WWC2: variants seen among roughly 807,000 people sequenced by gnomAD.
WWC2 encodes protein WWC2.
In WWC2, 101 loss-of-function variants were observed where a neutral mutation model predicts 138.5. That is an observed-to-expected ratio of 0.73 (90% CI 0.62 to 0.86). The LOEUF (loss-of-function observed/expected upper bound fraction) is 0.86, where lower values mean the gene tolerates loss of function less well. Ranked by LOEUF, WWC2 falls within the 40% of genes least tolerant of loss-of-function variation. The pLI, the probability that WWC2 is intolerant of heterozygous loss-of-function variation, is 0.00. For missense variants in WWC2, 1,420 were observed against 1,419.4 expected, an observed-to-expected ratio of 1.00 and a Z score of -0.01; for synonymous variants, 558 against 538.4, an observed-to-expected ratio of 1.04 and a Z score of -0.50.
At chr4:183,262,848 C>G (rs537120415) in intron 11 of WWC2, among the ~76,000 whole-genome samples, 2 of 152,264 alleles carry the variant, frequency 1.3e-5, no homozygotes, top group African/African-American at 4.8e-5. Context: ...CAAGCCTCCA[C>G]TCACATTTTA....
At chr4:183,104,022 C>T (rs1356596263) in intron 1 of WWC2, among the ~76,000 whole-genome samples, 3 of 151,320 alleles carry the variant, frequency 2.0e-5, no homozygotes, top group African/African-American at 4.9e-5. Context: ...TGCAATGGCG[C>T]GATGTTGGCT....
chr4:183,237,623 A>G (rs73870381), intron 4 of WWC2, among the ~76,000 whole-genome samples: 5,313 of 152,206 alleles, frequency 0.035, 322 homozygotes, highest in African/African-American at 0.12. Flanking sequence ...GTATTTATAA[A>G]CTGGGCCTTG....
rs142610667 is a variant in WWC2, at chr4:183,181,150, T to C, written c.132-12449T>C. Among the ~76,000 whole-genome samples the C allele has an allele frequency of 3.0e-3, 460 of 152,316 alleles. 3 individuals carry two copies. The highest frequency in any genetic ancestry group is 0.01 in the African/African-American group (432 of 41,584). On this transcript the variant is annotated intron_variant, in intron 1 of 22. Coordinates refer to ENST00000403733, the MANE Select transcript of WWC2 (RefSeq NM_024949.6). ...CTACTGTAATGATTGCATAGCCACC[T>C]TCTGTTGTGGTGAGCTCAAGTTTTG...
At chr4:183,275,038 A>G (rs1324271616) in intron 16 of WWC2, among the ~76,000 whole-genome samples, 1 of 152,094 alleles carries the variant, frequency 6.6e-6, no homozygotes, top group East Asian at 1.9e-4. Context: ...TCTAACTGTA[A>G]CTTGATGTTC....
At chr4:183,292,298 G>A (rs886416147) in intron 21 of WWC2, among the ~76,000 whole-genome samples, 1 of 151,638 alleles carries the variant, frequency 6.6e-6, no homozygotes, top group Non-Finnish European at 1.5e-5. Flanking sequence ...CCAGAGTGCC[G>A]AGAGTTTGAG....
At chr4:183,211,410 T>G (rs1877290) in intron 4 of WWC2, among the ~76,000 whole-genome samples, 29,874 of 152,220 alleles carry the variant, frequency 0.2, 3,089 homozygotes, top group South Asian at 0.26. Flanking sequence ...TAATGTGTAA[T>G]TTTTGAACAC....
chr4:183,183,242 AC>A (rs1327868432), intron 1 of WWC2, among the ~76,000 whole-genome samples: 3 of 152,150 alleles, frequency 2.0e-5, no homozygotes, highest in Non-Finnish European at 4.4e-5. Flanking sequence ...GCATAGGTAA[AC>A]GTGTGCCATG....
intron 21 of WWC2, among the ~76,000 whole-genome samples, chr4:183,308,521 A>G (rs906515718): frequency 2.5e-4 from 38 of 152,312 alleles, no homozygotes; most frequent in African/African-American, 8.9e-4. Context: ...AAAATAGACA[A>G]ATCAGAACAG....
In WWC2 at chr4:183,269,120, T is replaced by G; in HGVS notation, c.2357T>G (p.Val786Gly). 2.5e-6 allele frequency: 4 copies of G among 1,613,774 alleles called. No homozygotes were observed. The African/African-American group carries it at 5.3e-5, about 22-fold the overall frequency. The change falls in exon 15 of 23, where the codon GTA (valine) becomes GGA (glycine). Residue 786 changes from valine to glycine, a missense_variant. Coordinates refer to ENST00000403733, the MANE Select transcript of WWC2 (RefSeq NM_024949.6). ...GCCTTACAACAGAAGACACTGAGGG[T>G]AGACCTTTGCTCTGTCAGTAAACAC... ...QTALQQKTLR[V>G]DLCSVSKHRR...
chr4:183,113,944 A>G (rs948350803), intron 1 of WWC2, among the ~76,000 whole-genome samples: 2 of 152,068 alleles, frequency 1.3e-5, no homozygotes, highest in African/African-American at 4.8e-5. Context: ...GCTTGAGGAA[A>G]AGAGAGAATA....
chr4:183,245,295 T>C, intron 5 of WWC2, 121 bp from the exon 6 acceptor site: 1 of 756,914 alleles, frequency 1.3e-6, no homozygotes, highest in Non-Finnish European at 1.8e-6. Flanking sequence ...ATTGCTGGTA[T>C]ATGACAGTCA....
chr4:183,216,103 G>A (rs1332460970), intron 4 of WWC2, among the ~76,000 whole-genome samples: 1 of 152,096 alleles, frequency 6.6e-6, no homozygotes, highest in Non-Finnish European at 1.5e-5. Flanking sequence ...TGACATGTAC[G>A]CAATAAATAC....
intron 21 of WWC2, among the ~76,000 whole-genome samples, chr4:183,296,933 CAAAAAAAAAAAAAAAAAAAAAA>C (rs776211338): frequency 1.4e-5 from 1 of 70,766 alleles, no homozygotes; most frequent in Non-Finnish European, 2.5e-5. Context: ...GACTCCGTCT[CAAAAAAAAAAAAAAAAAAAAAA>C]AAAAAAAAAA....
chr4:183,289,676 C>T (rs1397396913), intron 21 of WWC2, 41 bp downstream of exon 21: 1 of 1,592,896 alleles, frequency 6.3e-7, no homozygotes, highest in African/African-American at 1.4e-5. Flanking sequence ...GGGCTTACAT[C>T]TTTTTTTAAA....
chr4:183,165,515 ACAG>A (rs1356963210), intron 1 of WWC2, among the ~76,000 whole-genome samples: 1 of 152,170 alleles, frequency 6.6e-6, no homozygotes, highest in African/African-American at 2.4e-5. Context: ...TTTAGAGAAC[ACAG>A]CAGGCCTTTT....
chr4:183,188,491 G>A (rs1734881330), intron 1 of WWC2, among the ~76,000 whole-genome samples: 1 of 152,008 alleles, frequency 6.6e-6, no homozygotes, highest in South Asian at 2.1e-4. Flanking sequence ...GCCTGTCTCA[G>A]CATCCCAAAA....
chr4:183,146,544 T>A (rs1347658329), intron 1 of WWC2, among the ~76,000 whole-genome samples: 1 of 152,220 alleles, frequency 6.6e-6, no homozygotes, highest in Non-Finnish European at 1.5e-5. Flanking sequence ...TACCATAGGT[T>A]TGCAGCTTGA....
In WWC2 at chr4:183,130,056, C is replaced by CTTT. The variant is rs534398108; in HGVS notation, c.131+30448_131+30450dup. On this transcript the variant is annotated intron_variant, in intron 1 of 22. Coordinates refer to ENST00000403733, the MANE Select transcript of WWC2 (RefSeq NM_024949.6). ...AACACTCTTCTTTATTCCTAAGTAT[C>CTTT]TTTTTTTTTTTTTTTTGAGACAGTC... Among the ~76,000 whole-genome samples the CTTT allele has an allele frequency of 6.4e-3, 892 of 139,772 alleles. 16 individuals are homozygous for CTTT. The highest frequency in any genetic ancestry group is 0.022 in the African/African-American group (837 of 38,186). The allele number at this position is 139,772 out of a possible 152,430, so 91.7% of individuals were successfully genotyped here.
At position 183,145,478 on chromosome 4, in the gene WWC2, A is replaced by G. The variant is rs145369232; in HGVS notation, c.131+45856A>G. Among the ~76,000 whole-genome samples the G allele has an allele frequency of 2.0e-4, 31 of 152,278 alleles. No individual in the cohort carries two copies. The East Asian group carries it at 5.4e-3, about 27-fold the overall frequency. On this transcript the variant is annotated intron_variant, in intron 1 of 22. Coordinates refer to ENST00000403733, the MANE Select transcript of WWC2 (RefSeq NM_024949.6). The stretch of plus-strand genomic sequence containing the variant: ...GTAATTTCAATTTACCTGCATGCAT[A>G]TTTTATGTAACTGAGATCATAATTA...
Sources: gnomAD v4.1 joint callset for allele counts (sites outside exome capture counted in the v4.1 genomes callset) on GRCh38, gnomAD v4.1.1 for gene constraint, MANE v1.5 for transcripts, NCBI Gene and HGNC (gene_info 2026-07-23, HGNC 2026-07-21) for gene names.